The following FGF12 variants were observed in gnomAD, a reference collection of about 807,000 sequenced individuals.
FGF12 encodes the protein fibroblast growth factor 12.
Under a neutral mutation model 23.6 loss-of-function variants are expected in FGF12, and 14 were observed. The ratio of observed to expected loss-of-function variants is 0.59; its 90% CI spans 0.39 to 0.93. The LOEUF is 0.93. Among genes scored for constraint, FGF12 ranks in the 40% least tolerant of loss-of-function variants. FGF12 has a pLI of 0.00. For missense variants in FGF12, 175 were observed against 217.8 expected (o/e 0.80, Z 1.24); for synonymous variants, 62 against 77.3 (o/e 0.80, Z 1.04).
chr3:192,168,510 A>T (rs1715355194), intron 5 of FGF12, among the ~76,000 whole-genome samples: 1 of 152,166 alleles, frequency 6.6e-6, no homozygotes, highest in African/African-American at 2.4e-5. Flanking sequence ...TTTTGGGAAA[A>T]TAATAGCCTT....
At chr3:192,635,810 A>C (rs1352147352) in intron 2 of FGF12, among the ~76,000 whole-genome samples, 3 of 152,190 alleles carry the variant, frequency 2.0e-5, no homozygotes, top group African/African-American at 7.2e-5. Flanking sequence ...AGTTCTATGG[A>C]GAAGTCTGGA....
intron 4 of FGF12, among the ~76,000 whole-genome samples, chr3:192,236,751 G>A (rs1046732085): frequency 2.0e-5 from 3 of 152,062 alleles, no homozygotes; most frequent in African/African-American, 7.2e-5. Context: ...TTGCATGTGA[G>A]ATGGATCTAC....
At chr3:192,358,749 G>A (rs768265401) in intron 3 of FGF12, among the ~76,000 whole-genome samples, 16 of 152,302 alleles carry the variant, frequency 1.1e-4, no homozygotes, top group Middle Eastern at 3.4e-3. Context: ...CTGGGTAAAG[G>A]TAGCATTTTG....
At chr3:192,468,042 TC>T (rs1191257513) in intron 2 of FGF12, among the ~76,000 whole-genome samples, 4 of 152,172 alleles carry the variant, frequency 2.6e-5, no homozygotes, top group Non-Finnish European at 5.9e-5. Context: ...CATGGTACAC[TC>T]CCGACAGTGG....
chr3:192,635,139 C>T (rs1037329736), intron 2 of FGF12, among the ~76,000 whole-genome samples: 9 of 152,202 alleles, frequency 5.9e-5, no homozygotes, highest in Non-Finnish European at 1.5e-5. Context: ...GGGTTACAGG[C>T]ATGAGCCACC....
intron 2 of FGF12, among the ~76,000 whole-genome samples, chr3:192,631,289 G>A (rs1279744909): frequency 6.6e-6 from 1 of 152,140 alleles, no homozygotes; most frequent in Non-Finnish European, 1.5e-5. Context: ...TCTGATGCCA[G>A]TGTCTGGATA....
intron 2 of FGF12, among the ~76,000 whole-genome samples, chr3:192,438,928 A>G (rs540240439): frequency 6.6e-6 from 1 of 152,300 alleles, no homozygotes; most frequent in African/African-American, 2.4e-5. Context: ...AAGAGTTTCT[A>G]TGTGGGAGTC....
intron 2 of FGF12, among the ~76,000 whole-genome samples, chr3:192,604,635 A>G (rs1205898607): frequency 2.0e-5 from 3 of 152,228 alleles, no homozygotes; most frequent in Non-Finnish European, 4.4e-5. Context: ...TTCTGCCCAG[A>G]GCAATCTACA....
intron 2 of FGF12, among the ~76,000 whole-genome samples, chr3:192,535,861 C>G (rs1725211097): frequency 6.6e-6 from 1 of 152,092 alleles, no homozygotes. Context: ...AGCAAGTGTT[C>G]TAGAGCTCAT....
intron 2 of FGF12, among the ~76,000 whole-genome samples, chr3:192,563,630 G>T (rs1712142525): frequency 1.3e-5 from 2 of 152,178 alleles, no homozygotes; most frequent in Non-Finnish European, 2.9e-5. Flanking sequence ...TGCTTTGTCA[G>T]CAAAGATGTA....
chr3:192,567,583 A>T (rs1351011968), intron 2 of FGF12, among the ~76,000 whole-genome samples: 3 of 152,120 alleles, frequency 2.0e-5, no homozygotes, highest in Non-Finnish European at 2.9e-5. Flanking sequence ...GAAGTCCAAA[A>T]TCAAGGTGTC....
At chr3:192,251,020 T>C (rs1711971830) in intron 4 of FGF12, among the ~76,000 whole-genome samples, 1 of 152,166 alleles carries the variant, frequency 6.6e-6, no homozygotes, top group African/African-American at 2.4e-5. Flanking sequence ...AATATACCAT[T>C]GCCTATGATT....
chr3:192,336,108 T>TACACACAC lies in FGF12; in HGVS notation c.125-652_125-645dup, dbSNP rs34991386. ...ATATATTTTATATCCAGGTGGGAAA[T>TACACACAC]ACACACACACACACACACACACACA... On this transcript the variant is annotated intron_variant, in intron 3 of 5. Transcript: ENST00000445105. The surrounding 1 kb of genome is among the most constrained non-coding windows in gnomAD (Gnocchi z 4.3). Among the ~76,000 whole-genome samples, 526 of 144,046 alleles carry TACACACAC rather than the reference T, an allele frequency of 3.7e-3. 1 individual carries two copies. Among genetic ancestry groups the TACACACAC allele is most frequent in the African/African-American group, 0.012 (451 of 38,960 alleles). 94.5% of individuals were successfully genotyped at this position (144,046 alleles called of 152,430 possible).
At chr3:192,532,806 G>A (rs993393682) in intron 2 of FGF12, among the ~76,000 whole-genome samples, 4 of 151,906 alleles carry the variant, frequency 2.6e-5, no homozygotes, top group Non-Finnish European at 5.9e-5. Context: ...TATTTCTTAT[G>A]GTTTTTTGCT....
At chr3:192,204,609 G>A (rs1217604065) in intron 4 of FGF12, among the ~76,000 whole-genome samples, 2 of 152,190 alleles carry the variant, frequency 1.3e-5, no homozygotes, top group Non-Finnish European at 2.9e-5. Context: ...CTTGGAGCCA[G>A]GAGTGGTGGC....
At chr3:192,686,856 T>C (rs1319187056) in intron 2 of FGF12, among the ~76,000 whole-genome samples, 2 of 119,144 alleles carry the variant, frequency 1.7e-5, no homozygotes, top group East Asian at 5.1e-4. Flanking sequence ...TGAGACGGAG[T>C]GTCCCTCTGT....
intron 4 of FGF12, among the ~76,000 whole-genome samples, chr3:192,230,436 A>T (rs925956764): frequency 7.9e-5 from 12 of 152,118 alleles, no homozygotes; most frequent in African/African-American, 2.7e-4. Flanking sequence ...GACGGCAAGG[A>T]TTGCCTTCAA....
chr3:192,548,314 C>T (rs1448777733), intron 2 of FGF12, among the ~76,000 whole-genome samples: 8 of 151,946 alleles, frequency 5.3e-5, no homozygotes, highest in Non-Finnish European at 1.0e-4. Context: ...ATATAAAACA[C>T]GAATCAGAAA....
chr3:192,653,967 C>T (rs554088210), intron 2 of FGF12, among the ~76,000 whole-genome samples: 1 of 152,314 alleles, frequency 6.6e-6, no homozygotes, highest in African/African-American at 2.4e-5. Context: ...CTCAGTTGAT[C>T]TACCTGCCTT....
Sources: gnomAD v4.1 joint callset for allele counts (sites outside exome capture counted in the v4.1 genomes callset) on GRCh38, gnomAD v4.1.1 for gene constraint, Gnocchi (gnomAD v3.1) non-coding constraint, MANE v1.5 for transcripts, NCBI Gene and HGNC (gene_info 2026-07-23, HGNC 2026-07-21) for gene names.